YAF2: variants seen among roughly 807,000 people sequenced by gnomAD.
YAF2 encodes the protein YY1 associated factor 2.
Under a neutral mutation model 20.1 loss-of-function variants are expected in YAF2, and 7 were observed. That is an observed-to-expected ratio of 0.35 (90% CI 0.20 to 0.65). The LOEUF (loss-of-function observed/expected upper bound fraction) is 0.65, where lower values mean the gene tolerates loss of function less well. Ranked by LOEUF, YAF2 falls within the 30% of genes least tolerant of loss-of-function variation. YAF2 has a pLI of 0.69. For missense variants in YAF2, 151 were observed against 219.2 expected (o/e 0.69, Z 1.96); for synonymous variants, 74 against 76.0 (o/e 0.97, Z 0.14).
intron 2 of YAF2, among the ~76,000 whole-genome samples, chr12:42,230,409 T>G (rs979028333): frequency 1.3e-5 from 2 of 152,150 alleles, no homozygotes; most frequent in Admixed American, 1.3e-4. Flanking sequence ...AGGGATAGAT[T>G]ATTATTATGG....
chr12:42,161,679 T>C lies in YAF2; in HGVS notation c.239A>G (p.Asp80Gly). The C allele has an allele frequency of 6.2e-7, 1 of 1,609,572 alleles. No individual in the cohort carries two copies. Among genetic ancestry groups the C allele is most frequent in the Non-Finnish European group, 8.5e-7 (1 of 1,178,910 alleles). The change falls in exon 3 of 4, where the codon GAT becomes GGT. Residue 80 changes from aspartate (D) to glycine (G), a missense_variant. Transcript: ENST00000534854. ...TTCACTTTTTTCTTTTTCTACTTTA[T>C]CTTTTTTCTCTTTCTTTGACTGTGT... ...PPTQSKKEKK[D>G]KVEKEKSEKE...
chr12:42,210,742 A>C lies in YAF2; in HGVS notation c.152+26857T>G, dbSNP rs2067184974. 6 of 1,430,298 alleles carry C rather than the reference A, an allele frequency of 4.2e-6. No individual in the cohort carries two copies. In the South Asian group the frequency reaches 6.7e-5, roughly 16 times the overall value. 88.6% of individuals were successfully genotyped at this position (1,430,298 alleles called of 1,614,324 possible). ...ATTATTATCACACGTAGAACTACAG[A>C]AGAAAGCATAAATTCACTAGATAAC... On this transcript the variant is annotated intron_variant, in intron 2 of 3. Transcript: ENST00000534854.
At chr12:42,222,611 C>T (rs141780277) in intron 2 of YAF2, among the ~76,000 whole-genome samples, 4 of 152,144 alleles carry the variant, frequency 2.6e-5, no homozygotes, top group African/African-American at 4.8e-5. Flanking sequence ...TATATATATT[C>T]AATACTTGAA....
chr12:42,170,374 T>C (rs1047258028), intron 2 of YAF2, among the ~76,000 whole-genome samples: 1 of 152,210 alleles, frequency 6.6e-6, no homozygotes, highest in Non-Finnish European at 1.5e-5. Context: ...CTTTTTAAAA[T>C]AATAATTTAT....
At chr12:42,221,772 T>C (rs1467950001) in intron 2 of YAF2, among the ~76,000 whole-genome samples, 1 of 152,130 alleles carries the variant, frequency 6.6e-6, no homozygotes, top group Admixed American at 6.6e-5. Context: ...TTAAGAATCC[T>C]CCAAACTTAG....
intron 2 of YAF2, among the ~76,000 whole-genome samples, chr12:42,187,480 T>C (rs994084863): frequency 1.3e-5 from 2 of 152,136 alleles, no homozygotes; most frequent in Non-Finnish European, 2.9e-5. Flanking sequence ...TTTTTTTTTT[T>C]AAACTTACAA....
At chr12:42,196,048 C>G (rs1396344393) in intron 2 of YAF2, among the ~76,000 whole-genome samples, 6 of 151,576 alleles carry the variant, frequency 4.0e-5, no homozygotes, top group African/African-American at 2.4e-5. Context: ...ATGGTGAAAC[C>G]CCATCTCTAC....
At chr12:42,181,706 A>G (rs771406420) in intron 2 of YAF2, among the ~76,000 whole-genome samples, 3 of 152,240 alleles carry the variant, frequency 2.0e-5, no homozygotes, top group Non-Finnish European at 4.4e-5. Context: ...AAAATAATTC[A>G]CAGATGCCAG....
intron 2 of YAF2, among the ~76,000 whole-genome samples, chr12:42,204,768 T>C (rs1458781328): frequency 6.6e-6 from 1 of 152,198 alleles, no homozygotes; most frequent in African/African-American, 2.4e-5. Flanking sequence ...TGACATATGC[T>C]ACAATGCGGA....
At chr12:42,218,185 A>AAACACAC (rs1555162626) in intron 2 of YAF2, among the ~76,000 whole-genome samples, 2,075 of 140,682 alleles carry the variant, frequency 0.015, 25 homozygotes, top group Non-Finnish European at 0.018. Context: ...GCTACTAGGA[A>AAACACAC]ACACACACAC....
chr12:42,193,957 A>C (rs1297656069), intron 2 of YAF2, among the ~76,000 whole-genome samples: 2 of 152,208 alleles, frequency 1.3e-5, no homozygotes, highest in East Asian at 3.8e-4. Context: ...CATTTTTAAC[A>C]AACAGTTTAA....
At chr12:42,235,372 A>G (rs1423804282) in intron 2 of YAF2, 1 of 1,018,184 alleles carries the variant, frequency 9.8e-7, no homozygotes, top group Non-Finnish European at 1.2e-6. Flanking sequence ...TTTTAACATT[A>G]CCAGAGAGGA....
intron 2 of YAF2, among the ~76,000 whole-genome samples, chr12:42,215,889 T>A (rs1265416695): frequency 1.3e-5 from 2 of 152,012 alleles, no homozygotes; most frequent in Non-Finnish European, 2.9e-5. Flanking sequence ...GCCACTGCAC[T>A]CCAGCAGCCT....
chr12:42,201,527 G>T (rs1358448418), intron 2 of YAF2, among the ~76,000 whole-genome samples: 2 of 152,132 alleles, frequency 1.3e-5, no homozygotes, highest in Non-Finnish European at 2.9e-5. Context: ...AAGACATTGT[G>T]TGTGTCTCCT....
intron 2 of YAF2, chr12:42,199,348 C>A: frequency 2.2e-6 from 1 of 457,956 alleles, no homozygotes; most frequent in Non-Finnish European, 3.3e-6. Flanking sequence ...AGGATTTACT[C>A]AATTACAAGT....
intron 2 of YAF2, among the ~76,000 whole-genome samples, chr12:42,216,635 C>T (rs1454137907): frequency 2.0e-5 from 3 of 152,110 alleles, no homozygotes; most frequent in Admixed American, 2.0e-4. Context: ...CTTACCCACT[C>T]CTACAGCTTC....
Position 42,209,257 on chromosome 12 carries a change from G to GAA in YAF2, c.152+28340_152+28341dup, listed in dbSNP as rs765669026. Among the ~76,000 whole-genome samples, 261 of 137,692 alleles carry GAA rather than the reference G, an allele frequency of 1.9e-3. 1 individual carries two copies. Among genetic ancestry groups the GAA allele is most frequent in the African/African-American group, 6.6e-3 (250 of 38,004 alleles). 90.3% of individuals were successfully genotyped at this position (137,692 alleles called of 152,430 possible). A position where few individuals can be genotyped will look rare whatever the true frequency, so the allele number is the denominator to read the frequency against. The stretch of plus-strand genomic sequence containing the variant: ...GAAAACTGTCATTAAGAAGTGCTAG[G>GAA]AAAAAAAAAAAAAAGTGCTAGTCAG... On this transcript the variant is annotated intron_variant, in intron 2 of 3. Transcript: ENST00000534854.
intron 2 of YAF2, among the ~76,000 whole-genome samples, chr12:42,170,542 G>C (rs2066020442): frequency 6.6e-6 from 1 of 152,170 alleles, no homozygotes; most frequent in African/African-American, 2.4e-5. Context: ...AGATGCGGTG[G>C]CTCACGCCTA....
intron 2 of YAF2, among the ~76,000 whole-genome samples, chr12:42,222,470 G>A (rs763761517): frequency 1.8e-4 from 28 of 152,136 alleles, no homozygotes; most frequent in Non-Finnish European, 4.0e-4. Flanking sequence ...TATTTGACTA[G>A]CGGACCATCT....
Sources: gnomAD v4.1 joint callset for allele counts (sites outside exome capture counted in the v4.1 genomes callset) on GRCh38, gnomAD v4.1.1 for gene constraint, MANE v1.5 for transcripts, NCBI Gene and HGNC (gene_info 2026-07-23, HGNC 2026-07-21) for gene names.